ZMYM2: variants seen among roughly 807,000 people sequenced by gnomAD.
ZMYM2 encodes the protein zinc finger MYM-type containing 2, also known as zinc finger MYM-type protein 2.
In ZMYM2, 56 loss-of-function variants were observed where a neutral mutation model predicts 162.8. The ratio of observed to expected loss-of-function variants is 0.34; its 90% CI spans 0.28 to 0.43. The LOEUF (loss-of-function observed/expected upper bound fraction) is 0.43, where lower values mean the gene tolerates loss of function less well. ZMYM2 is among the 20% of genes least tolerant of loss of function. The probability of loss-of-function intolerance (pLI) is 1.00; values close to 1 mark genes in which losing one functional copy is unlikely to be tolerated. For synonymous variants in ZMYM2, 510 were observed against 541.6 expected, an observed-to-expected ratio of 0.94 and a Z score of 0.81; for missense variants, 1,275 against 1,621.8, an observed-to-expected ratio of 0.79 and a Z score of 3.67.
chr13:19,961,110 C>G (rs1490939033), intron 2 of ZMYM2, among the ~76,000 whole-genome samples: 1 of 149,824 alleles, frequency 6.7e-6, no homozygotes, highest in Non-Finnish European at 1.5e-5. Flanking sequence ...TAGCCCAATT[C>G]TAAGGTTTTT....
At chr13:19,863,915 G>C in the ZMYM2 span, 1 of 74,292 alleles carries the variant, frequency 1.3e-5, no homozygotes, top group Non-Finnish European at 4.1e-5. Flanking sequence ...CCAGCTACCG[G>C]GTCCGCCAGG....
chr13:19,906,014 A>G, the ZMYM2 span, among the ~76,000 whole-genome samples: 1 of 151,046 alleles, frequency 6.6e-6, no homozygotes, highest in Non-Finnish European at 1.5e-5. Flanking sequence ...TGGTGGTGAC[A>G]CCTGTAATCC....
At chr13:19,993,014 A>G (rs1214054877) in intron 2 of ZMYM2, 49 bp from the exon 3 acceptor site, 3 of 1,515,900 alleles carry the variant, frequency 2.0e-6, no homozygotes, top group Non-Finnish European at 2.6e-6. Flanking sequence ...TTAGAGTAAC[A>G]TAAAAAGTCA....
At chr13:19,890,519 A>AAAAAAAAAAAC in the ZMYM2 span, among the ~76,000 whole-genome samples, 1 of 150,714 alleles carries the variant, frequency 6.6e-6, no homozygotes, top group Non-Finnish European at 1.5e-5. Flanking sequence ...AAAAAAAAAA[A>AAAAAAAAAAAC]AAAGTTGGGA....
At position 19,975,456 on chromosome 13, in the gene ZMYM2, A is replaced by G. The variant is rs554060814; in HGVS notation, c.-11+15430A>G. ...TTGTGTCTGGCCTACTTCACTTAGCATAATGTTTTCAAAGTTCATCTATGT... is the reference window on the plus strand; with the variant it reads ...TTGTGTCTGGCCTACTTCACTTAGCGTAATGTTTTCAAAGTTCATCTATGT... On this transcript the variant is annotated intron_variant, in intron 2 of 24. Coordinates refer to ENST00000610343, the MANE Select transcript of ZMYM2 (RefSeq NM_197968.4). Among the ~76,000 whole-genome samples the G allele has an allele frequency of 1.6e-4, 25 of 152,306 alleles. 1 individual carries two copies. The South Asian group carries it at 5.0e-3, about 30-fold the overall frequency.
chr13:19,903,858 T>G, the ZMYM2 span, among the ~76,000 whole-genome samples: 1 of 151,496 alleles, frequency 6.6e-6, no homozygotes. Context: ...AAAAAAAAAA[T>G]TAAGAAAATT....
At chr13:19,897,932 A>G in the ZMYM2 span, among the ~76,000 whole-genome samples, 1 of 152,166 alleles carries the variant, frequency 6.6e-6, no homozygotes, top group Non-Finnish European at 1.5e-5. Flanking sequence ...AACAATTGAT[A>G]GAACAACGAA....
At chr13:20,006,325 A>G (rs1457665017) in intron 5 of ZMYM2, 49 bp from the exon 6 acceptor site, 1 of 1,491,230 alleles carries the variant, frequency 6.7e-7, no homozygotes, top group East Asian at 2.5e-5. Flanking sequence ...TTATTTAGCT[A>G]CTTGTCAGAT....
the ZMYM2 span, among the ~76,000 whole-genome samples, chr13:19,924,706 G>A: frequency 3.3e-5 from 5 of 151,966 alleles, no homozygotes; most frequent in East Asian, 1.9e-4. Flanking sequence ...TTATCTGTTC[G>A]TCTATGGATG....
the ZMYM2 span, among the ~76,000 whole-genome samples, chr13:19,921,723 T>A: frequency 9.2e-5 from 14 of 152,144 alleles, no homozygotes; most frequent in African/African-American, 3.1e-4. Flanking sequence ...CAAATTTAGG[T>A]CTTTAACACA....
the ZMYM2 span, among the ~76,000 whole-genome samples, chr13:19,875,232 T>A: frequency 6.6e-6 from 1 of 152,088 alleles, no homozygotes; most frequent in Non-Finnish European, 1.5e-5. Flanking sequence ...TTCACCCGCA[T>A]GTGTGAGATG....
chr13:20,046,607 GTATATA>G (rs67024518), intron 12 of ZMYM2, among the ~76,000 whole-genome samples: 5,622 of 104,128 alleles, frequency 0.054, 189 homozygotes, highest in East Asian at 0.14. Flanking sequence ...GTGTGTGTGT[GTATATA>G]TATGTGTATA....
In ZMYM2 at chr13:20,058,562, T is replaced by C; in HGVS notation, c.2494-13T>C. 6.2e-7 allele frequency: 1 copy of C among 1,601,768 alleles called. No homozygotes were observed. On this transcript the variant is annotated splice_polypyrimidine_tract_variant and intron_variant, in intron 14 of 24. Coordinates refer to ENST00000610343, the MANE Select transcript of ZMYM2 (RefSeq NM_197968.4). ...ACATAAAAATAAAAATGTTTCTCTT[T>C]GCTTCTCCATAGGGTTCAGCACCAC...
At chr13:19,967,743 G>T (rs1167069065) in intron 2 of ZMYM2, among the ~76,000 whole-genome samples, 2 of 152,140 alleles carry the variant, frequency 1.3e-5, no homozygotes, top group African/African-American at 4.8e-5. Flanking sequence ...GATTGTTGAG[G>T]TGAGGACTAA....
At chr13:19,911,044 C>A in the ZMYM2 span, among the ~76,000 whole-genome samples, 1 of 89,286 alleles carries the variant, frequency 1.1e-5, no homozygotes, top group African/African-American at 3.5e-5. Context: ...AGTTCCCAGT[C>A]TTTTTTTTTT....
At chr13:20,085,580 G>T (rs1958207816) in intron 24 of ZMYM2, among the ~76,000 whole-genome samples, 1 of 152,154 alleles carries the variant, frequency 6.6e-6, no homozygotes, top group Non-Finnish European at 1.5e-5. Context: ...TTAAAATAAT[G>T]AGTGGTGTGT....
intron 21 of ZMYM2, among the ~76,000 whole-genome samples, chr13:20,079,790 T>C (rs1291892575): frequency 6.6e-6 from 1 of 152,210 alleles, no homozygotes; most frequent in Non-Finnish European, 1.5e-5. Context: ...GGAACTTAGT[T>C]TTTGGTTTAT....
chr13:19,959,293 C>T (rs1954902959), intron 1 of ZMYM2, among the ~76,000 whole-genome samples: 1 of 152,122 alleles, frequency 6.6e-6, no homozygotes, highest in African/African-American at 2.4e-5. Flanking sequence ...GGTCTCCGCT[C>T]TCGGGGCAGC....
At chr13:20,048,308 G>T (rs1819998324) in intron 12 of ZMYM2, among the ~76,000 whole-genome samples, 3 of 151,038 alleles carry the variant, frequency 2.0e-5, no homozygotes, top group South Asian at 4.2e-4. Flanking sequence ...AAATTTTTTT[G>T]AAATTATTTT....
Sources: allele counts gnomAD v4.1 joint callset (sites outside exome capture counted in the v4.1 genomes callset), GRCh38; gene constraint gnomAD v4.1.1; transcripts MANE v1.5; gene names NCBI Gene and HGNC (gene_info 2026-07-23, HGNC 2026-07-21).